SYNE1: variants seen among roughly 807,000 people sequenced by gnomAD.
SYNE1 encodes the protein spectrin repeat containing nuclear envelope protein 1, also known as nesprin-1.
A neutral mutation model predicts 1,111.0 loss-of-function variants in SYNE1; 616 were observed. The ratio of observed to expected loss-of-function variants is 0.55; its 90% CI spans 0.52 to 0.59. SYNE1 has a LOEUF of 0.59. Among genes scored for constraint, SYNE1 ranks in the 20% least tolerant of loss-of-function variants. The pLI, the probability that SYNE1 is intolerant of heterozygous loss-of-function variation, is 0.00. For missense variants in SYNE1, 10,006 were observed against 10,417.0 expected, an observed-to-expected ratio of 0.96 and a Z score of 1.72; for synonymous variants, 3,855 against 3,825.8, an observed-to-expected ratio of 1.01 and a Z score of -0.28.
chr6:152,566,402 GA>G (rs1218935565), intron 3 of SYNE1, among the ~76,000 whole-genome samples: 1 of 148,432 alleles, frequency 6.7e-6, no homozygotes, highest in Non-Finnish European at 1.5e-5. Context: ...CCAGCTTTGA[GA>G]AAAAAAATCC....
intron 87 of SYNE1, 105 bp downstream of exon 87, chr6:152,316,744 G>T: frequency 2.2e-6 from 3 of 1,359,646 alleles, no homozygotes; most frequent in Non-Finnish European, 3.1e-6. Flanking sequence ...TTATCTGGTA[G>T]CTCCAAAAAT....
chr6:152,635,133 A>G (rs527652918), intron 2 of SYNE1, among the ~76,000 whole-genome samples: 7 of 152,362 alleles, frequency 4.6e-5, no homozygotes, highest in Admixed American at 1.3e-4. Context: ...TTAAATGGCA[A>G]ACTAGCTTTT....
intron 26 of SYNE1, 83 bp from the exon 27 acceptor site, chr6:152,450,916 T>A (rs1439553231): frequency 1.3e-6 from 2 of 1,597,276 alleles, no homozygotes; most frequent in Non-Finnish European, 1.7e-6. Flanking sequence ...CAAAGGAAGA[T>A]TCCCACGCAG....
chr6:152,180,793 G>A (rs375495695), intron 128 of SYNE1, among the ~76,000 whole-genome samples: 241 of 152,230 alleles, frequency 1.6e-3, no homozygotes, highest in Non-Finnish European at 2.8e-3. Flanking sequence ...GTGAGGAAGC[G>A]GGCAGCATCC....
At chr6:152,454,727 G>A (rs918800271) in intron 24 of SYNE1, among the ~76,000 whole-genome samples, 4 of 152,180 alleles carry the variant, frequency 2.6e-5, no homozygotes, top group Non-Finnish European at 5.9e-5. Context: ...TAAACTGAAT[G>A]AGATATTTTG....
At chr6:152,592,481 G>A (rs1284016679) in intron 3 of SYNE1, among the ~76,000 whole-genome samples, 1 of 152,116 alleles carries the variant, frequency 6.6e-6, no homozygotes, top group Non-Finnish European at 1.5e-5. Flanking sequence ...ACCAAATACT[G>A]CATGTTTTCA....
At chr6:152,578,721 C>A (rs1278744317) in intron 3 of SYNE1, among the ~76,000 whole-genome samples, 1 of 152,118 alleles carries the variant, frequency 6.6e-6, no homozygotes, top group Non-Finnish European at 1.5e-5. Context: ...AGTCTATAAC[C>A]CTGTTTTCCT....
Position 152,244,634 on chromosome 6 carries a change from C to T in SYNE1, c.19595G>A (p.Gly6532Glu). Residue 6532 changes from glycine (G) to glutamate (E), a missense_variant, in exon 106 of 146, where the codon GGA becomes GAA. Around this residue, in one of 7 missense-constraint regions of SYNE1, gnomAD observed 2,182 missense variants for 2,287.8 expected, o/e 0.95. Coordinates refer to ENST00000367255, the MANE Select transcript of SYNE1 (RefSeq NM_182961.4). ...GATTCCTGCATCAAATTCTTTGAGT[C>T]CATCTTCAGCCTGTTGTATTGCCTA... ...QIEAIQQAED[G>E]LKEFDAGIIE... 1 of 1,613,962 alleles carries T rather than the reference C, an allele frequency of 6.2e-7. No individual in the cohort carries two copies. The highest frequency in any genetic ancestry group is 1.1e-5 in the South Asian group (1 of 91,072).
At position 152,323,629 on chromosome 6, in the gene SYNE1, T is replaced by C. The variant is rs764384487; in HGVS notation, c.15766A>G (p.Thr5256Ala). 1.2e-6 allele frequency: 2 copies of C among 1,614,200 alleles called. No homozygotes were observed. The highest frequency in any genetic ancestry group is 2.2e-5 in the South Asian group (2 of 91,080). ...TGCTGCTCCAGCTCCAGAACGAACG[T>C]GTCGTGGTATTCAAGAAGAGTTAAG... is the stretch of plus-strand genomic sequence containing the variant. ...ELLTLLEYHD[T>A]FVLELEQQQS... The change falls in exon 82 of 146, where the codon ACG becomes GCG. Residue 5256 changes from threonine to alanine, a missense_variant. Around this residue, in one of 7 missense-constraint regions of SYNE1, gnomAD observed 4,955 missense variants for 5,017.2 expected, o/e 0.99. Transcript: ENST00000367255.
intron 16 of SYNE1, among the ~76,000 whole-genome samples, chr6:152,466,672 A>G (rs2098770504): frequency 6.6e-6 from 1 of 152,156 alleles, no homozygotes; most frequent in African/African-American, 2.4e-5. Context: ...TATATATAAT[A>G]GAATCACTAC....
chr6:152,155,623 A>G (rs2061245841), intron 132 of SYNE1, among the ~76,000 whole-genome samples: 1 of 152,216 alleles, frequency 6.6e-6, no homozygotes, highest in Non-Finnish European at 1.5e-5. Flanking sequence ...CTGTTCTCAC[A>G]GCCACACATT....
intron 3 of SYNE1, among the ~76,000 whole-genome samples, chr6:152,620,965 A>G (rs754013827): frequency 1.3e-5 from 2 of 152,180 alleles, no homozygotes; most frequent in Non-Finnish European, 2.9e-5. Context: ...TAATTGTCAT[A>G]TTGTGCTATA....
chr6:152,543,501 C>G (rs896460073), intron 3 of SYNE1, among the ~76,000 whole-genome samples: 7 of 152,140 alleles, frequency 4.6e-5, no homozygotes. Flanking sequence ...GTGGAAGTAA[C>G]AGAAACATGC....
At chr6:152,339,464 G>A in intron 74 of SYNE1, 98 bp from the exon 75 acceptor site, 1 of 1,517,210 alleles carries the variant, frequency 6.6e-7, no homozygotes, top group Non-Finnish European at 9.0e-7. Flanking sequence ...TTCAAAAATA[G>A]TCTTGCTATG....
At chr6:152,228,303 C>T (rs1372808347) in intron 115 of SYNE1, among the ~76,000 whole-genome samples, 1 of 152,164 alleles carries the variant, frequency 6.6e-6, no homozygotes, top group Non-Finnish European at 1.5e-5. Context: ...CATGAACCGG[C>T]ATCAGTACAA....
intron 97 of SYNE1, among the ~76,000 whole-genome samples, chr6:152,278,901 G>A (rs983605085): frequency 6.6e-6 from 1 of 151,738 alleles, no homozygotes; most frequent in Non-Finnish European, 1.5e-5. Flanking sequence ...CCATGTAGCT[G>A]GGATCACAGA....
chr6:152,316,606 T>C (rs2095729765), intron 87 of SYNE1: 2 of 520,272 alleles, frequency 3.8e-6, no homozygotes, highest in Admixed American at 3.2e-5. Flanking sequence ...GGCTGATTGG[T>C]TTGGGTCTTG....
rs769474313 is a variant in SYNE1, at chr6:152,208,096, C to T, written c.22700G>A (p.Arg7567His). The T allele has an allele frequency of 1.6e-5, 26 of 1,613,982 alleles. No individual in the cohort carries two copies. Among genetic ancestry groups the T allele is most frequent in the Admixed American group, 3.3e-5 (2 of 60,000 alleles). ...IIDSQIRQWQ[R>H]YREMAEKLRK... ...AAGCTTTTCTGCCATCTCCCTATAGCGCTGCCACTGGCGAATCTGGCTGTC... is the reference window on the plus strand; with the variant it reads ...AAGCTTTTCTGCCATCTCCCTATAGTGCTGCCACTGGCGAATCTGGCTGTC... Residue 7567 changes from arginine to histidine, a missense_variant, in exon 125 of 146, where the codon CGC (arginine) becomes CAC (histidine). Arg to His is a conservative substitution (Grantham distance 29, BLOSUM62 0). This residue lies in a region of SYNE1 where 2,182 missense variants were observed against 2,287.8 expected (regional missense o/e 0.95). Coordinates refer to ENST00000367255, the MANE Select transcript of SYNE1 (RefSeq NM_182961.4).
At chr6:152,499,599 G>C (rs1047093916) in intron 10 of SYNE1, among the ~76,000 whole-genome samples, 1 of 151,962 alleles carries the variant, frequency 6.6e-6, no homozygotes, top group Non-Finnish European at 1.5e-5. Flanking sequence ...AAACTAATAC[G>C]CATAGTTTAC....
Sources: allele counts gnomAD v4.1 joint callset (sites outside exome capture counted in the v4.1 genomes callset), GRCh38; gene constraint gnomAD v4.1.1; regional missense constraint gnomAD v4.1.1; transcripts MANE v1.5; gene names NCBI Gene and HGNC (gene_info 2026-07-23, HGNC 2026-07-21).